HNRNPH1: variants seen among roughly 807,000 people sequenced by gnomAD.
HNRNPH1 encodes the protein heterogeneous nuclear ribonucleoprotein H.
In HNRNPH1, 4 loss-of-function variants were observed where a neutral mutation model predicts 58.6. That is an observed-to-expected ratio of 0.07 (90% CI 0.03 to 0.16). The LOEUF is 0.16. Among genes scored for constraint, HNRNPH1 ranks in the 10% least tolerant of loss-of-function variants. The pLI is 1.00. For synonymous variants in HNRNPH1, 192 were observed against 189.2 expected (o/e 1.01, Z -0.12); for missense variants, 271 against 564.2 (o/e 0.48, Z 5.26).
At chr5:179,628,722 T>C (rs1044357916), upstream of HNRNPH1, among the ~76,000 whole-genome samples, 2 of 151,644 alleles carry the variant, frequency 1.3e-5, no homozygotes, top group African/African-American at 4.8e-5. Flanking sequence ...GGCTGATCAC[T>C]TGAAGTCAAG....
intron 3 of HNRNPH1, chr5:179,619,800 T>C (rs1050547120): frequency 6.5e-6 from 1 of 153,412 alleles, no homozygotes; most frequent in East Asian, 1.9e-4. Flanking sequence ...TTTAAGTTAT[T>C]GGAACTTCAA....
At chr5:179,619,679 A>G (rs1460183948) in intron 3 of HNRNPH1, 5 of 246,604 alleles carry the variant, frequency 2.0e-5, no homozygotes, top group Non-Finnish European at 3.8e-5. Context: ...TTAAGAACAC[A>G]TATCTATGCA....
At chr5:179,629,275 T>C (rs111302305), upstream of HNRNPH1, 5,558 of 148,188 alleles carry the variant, frequency 0.038, 130 homozygotes, top group Non-Finnish European at 0.043. Flanking sequence ...CCAGCCTGGG[T>C]GACAGAGCGA....
At chr5:179,623,361 G>A (rs1464428236) in exon 1 of HNRNPH1, 3 of 363,298 alleles carry the variant, frequency 8.3e-6, no homozygotes, top group South Asian at 5.4e-5. Flanking sequence ...GCCCCGAACC[G>A]TGGGGGCCCG....
At chr5:179,627,423 C>T (rs1236507093), upstream of HNRNPH1, among the ~76,000 whole-genome samples, 7 of 151,192 alleles carry the variant, frequency 4.6e-5, no homozygotes, top group Non-Finnish European at 8.8e-5. Flanking sequence ...GAATTCCTGG[C>T]GTCAAGCAAT....
chr5:179,616,261 T>C (rs1053613506), intron 10 of HNRNPH1, 43 bp from the exon 12 acceptor site: 1 of 1,461,448 alleles, frequency 6.8e-7, no homozygotes, highest in South Asian at 1.1e-5. Context: ...TCTTATGTGA[T>C]GTGGTACCTG....
chr5:179,628,968 G>A (rs372984544), upstream of HNRNPH1, among the ~76,000 whole-genome samples: 19 of 152,034 alleles, frequency 1.2e-4, no homozygotes, highest in African/African-American at 3.9e-4. Context: ...GTGACAGAGC[G>A]AGACTGTGCC....
At position 179,620,915 on chromosome 5, in the gene HNRNPH1, TC is replaced by T; in HGVS notation, c.373del (p.Glu125LysfsTer17). 1 of 1,614,192 alleles carries T rather than the reference TC, an allele frequency of 6.2e-7. No homozygotes were observed. The highest frequency in any genetic ancestry group is 8.5e-7 in the Non-Finnish European group (1 of 1,180,024). On this transcript the variant is annotated frameshift_variant, in exon 3 of 13. Coordinates refer to ENST00000356731, the Ensembl canonical transcript of HNRNPH1. LOFTEE classifies it high-confidence loss of function. Reference sequence around the variant, plus strand: ...ACCTGAGAAGAACTGAACAATTTCTTCCTTGCTACATCCAAAGGGAAGTCCT... The same window carrying T: ...ACCTGAGAAGAACTGAACAATTTCTTCTTGCTACATCCAAAGGGAAGTCCT...
exon 13 of HNRNPH1, chr5:179,614,711 C>A: frequency 1.7e-6 from 1 of 586,270 alleles, no homozygotes; most frequent in South Asian, 2.2e-5. Context: ...CATAACAATC[C>A]TGATTTCCAC....
At chr5:179,620,813 C>G (rs957801417) in intron 3 of HNRNPH1, 79 bp downstream of exon 4, 3 of 1,292,516 alleles carry the variant, frequency 2.3e-6, no homozygotes, top group African/African-American at 2.9e-5. Context: ...ACCTAAGCTA[C>G]TCAACTTTAA....
chr5:179,621,719 G>T (rs935592881), intron 1 of HNRNPH1: 42 of 397,556 alleles, frequency 1.1e-4, no homozygotes, highest in African/African-American at 8.0e-4. Flanking sequence ...CCTGGACTGT[G>T]TGACTTTACG....
rs750283108 is a variant in HNRNPH1 at position 179,614,914 on chromosome 5, C to T, written c.*46G>A. 93 of 1,550,164 alleles carry T rather than the reference C, an allele frequency of 6.0e-5. No homozygotes were observed. The South Asian group carries it at 9.0e-4, about 15-fold the overall frequency. The stretch of plus-strand genomic sequence containing the variant: ...CATTCCGTTCACGCCCATAGATGCA[C>T]GGCTTCCACTACTGTAGTAGCTGCT... On this transcript the variant is annotated 3_prime_UTR_variant, in exon 13 of 13. Transcript: ENST00000356731.
At chr5:179,625,578 A>G (rs1562360602), upstream of HNRNPH1, among the ~76,000 whole-genome samples, 1 of 151,068 alleles carries the variant, frequency 6.6e-6, no homozygotes. Context: ...AGAATCACTT[A>G]AACCCAGGAG....
At chr5:179,630,037 A>G (rs1299458031) in intron 2 of HNRNPH1, among the ~76,000 whole-genome samples, 2 of 149,992 alleles carry the variant, frequency 1.3e-5, no homozygotes, top group African/African-American at 4.9e-5. Context: ...AAAACAAAAA[A>G]ACAGAACCCT....
At chr5:179,616,024 A>AG (rs1769390919) in intron 11 of HNRNPH1, 102 bp downstream of exon 12, 1 of 1,032,610 alleles carries the variant, frequency 9.7e-7, no homozygotes, top group Non-Finnish European at 1.5e-6. Context: ...CCTGCGACTT[A>AG]CTCTAAGTAC....
At chr5:179,624,791 C>T (rs900377032), upstream of HNRNPH1, 7 of 390,856 alleles carry the variant, frequency 1.8e-5, no homozygotes, top group Non-Finnish European at 3.2e-5. Flanking sequence ...AGTGCTGGAC[C>T]CTGCCGCAGA....
exon 5 of HNRNPH1, chr5:179,618,250 T>G (rs780615626): frequency 6.2e-7 from 1 of 1,614,076 alleles, no homozygotes; most frequent in South Asian, 1.1e-5. Flanking sequence ...GGCCGCTGCA[T>G]GGCCATAAGC....
intron 2 of HNRNPH1, among the ~76,000 whole-genome samples, chr5:179,632,774 T>TTTTTTTTTA (rs1562374973): frequency 6.7e-6 from 1 of 148,568 alleles, no homozygotes; most frequent in South Asian, 2.1e-4. Context: ...TTTTTTTTTT[T>TTTTTTTTTA]GAGACGGAGT....
At chr5:179,614,786 A>AG (rs1768674921) in exon 13 of HNRNPH1, 4 of 100,008 alleles carry the variant, frequency 4.0e-5, no homozygotes, top group Non-Finnish European at 8.6e-5. Flanking sequence ...TTCTTAAAGA[A>AG]AAAAAAAAAA....
Sources: allele counts gnomAD v4.1 joint callset (sites outside exome capture counted in the v4.1 genomes callset), GRCh38; gene constraint gnomAD v4.1.1; transcripts MANE v1.5; gene names NCBI Gene and HGNC (gene_info 2026-07-23, HGNC 2026-07-21).